ADGB: variants seen among roughly 807,000 people sequenced by gnomAD.
ADGB encodes the protein androglobin.
A neutral mutation model predicts 210.5 loss-of-function variants in ADGB; 172 were observed. The ratio of observed to expected loss-of-function variants is 0.82; its 90% CI spans 0.72 to 0.93. The LOEUF (loss-of-function observed/expected upper bound fraction) is 0.93. Among genes scored for constraint, ADGB ranks in the 40% least tolerant of loss-of-function variants. The pLI is 0.00. For synonymous variants in ADGB, 658 were observed against 662.7 expected (o/e 0.99, Z 0.11); for missense variants, 2,025 against 1,964.8 (o/e 1.03, Z -0.58).
rs1583582244 is a variant in ADGB, at chr6:146,669,023, G to C, written c.839+2121G>C. On this transcript the variant is annotated intron_variant, in intron 7 of 35. Transcript: ENST00000397944. ...GGTGTTTGAATAGGTCTTTTTCATA[G>C]TGCAGCATATTTTATGTGGTAGATG... 3.3e-5 allele frequency among the ~76,000 whole-genome samples: 5 copies of C among 151,994 alleles called. 1 individual carries two copies. The South Asian group carries it at 1.0e-3, about 32-fold the overall frequency.
intron 35 of ADGB, among the ~76,000 whole-genome samples, chr6:146,814,761 C>G (rs1172137629): frequency 6.6e-6 from 1 of 152,036 alleles, no homozygotes; most frequent in Non-Finnish European, 1.5e-5. Flanking sequence ...ATCATTTAAA[C>G]AGAATACCTT....
chr6:146,633,298 G>A lies in ADGB; in HGVS notation c.75-2077G>A, dbSNP rs78936737. ...ATTAGTTCTCTCCTCTTAATTCAAA[G>A]CATTTTACATTGTCTCCCTTCTTCC... On this transcript the variant is annotated intron_variant, in intron 1 of 35. Coordinates refer to ENST00000397944, the MANE Select transcript of ADGB (RefSeq NM_024694.4). Among the ~76,000 whole-genome samples the A allele has an allele frequency of 4.8e-3, 737 of 152,108 alleles. 12 individuals carry two copies. The East Asian group carries it at 0.062, about 13-fold the overall frequency.
chr6:146,808,626 A>G (rs1778249398), intron 35 of ADGB, among the ~76,000 whole-genome samples: 1 of 152,190 alleles, frequency 6.6e-6, no homozygotes, highest in Admixed American at 6.5e-5. Flanking sequence ...GTATTTTTTA[A>G]CCAGTGAAAG....
At chr6:146,803,813 C>G (rs575647610) in intron 35 of ADGB, 2 of 498,322 alleles carry the variant, frequency 4.0e-6, no homozygotes, top group East Asian at 6.6e-5. Flanking sequence ...GCTTCTGGGC[C>G]GAGTCCCACT....
At chr6:146,697,939 C>G (rs982849708) in intron 12 of ADGB, among the ~76,000 whole-genome samples, 7 of 152,164 alleles carry the variant, frequency 4.6e-5, no homozygotes, top group African/African-American at 1.7e-4. Context: ...ACAAATCTCA[C>G]ATACACTCAC....
chr6:146,624,940 T>C (rs186681329), intron 1 of ADGB, among the ~76,000 whole-genome samples: 96 of 152,156 alleles, frequency 6.3e-4, no homozygotes, highest in Admixed American at 1.0e-3. Flanking sequence ...ATGTACTTTG[T>C]GTGACTTGAA....
intron 5 of ADGB, among the ~76,000 whole-genome samples, chr6:146,657,524 T>C (rs923475284): frequency 1.3e-5 from 2 of 152,190 alleles, no homozygotes; most frequent in East Asian, 3.9e-4. Context: ...GTCAGTCCCA[T>C]GGGCACTTTA....
intron 27 of ADGB, among the ~76,000 whole-genome samples, chr6:146,758,245 T>C (rs1777437733): frequency 6.6e-6 from 1 of 152,120 alleles, no homozygotes; most frequent in Non-Finnish European, 1.5e-5. Flanking sequence ...TTTTTAACTC[T>C]TTAAAATGGC....
intron 23 of ADGB, among the ~76,000 whole-genome samples, chr6:146,737,192 A>C (rs574569622): frequency 6.6e-6 from 1 of 152,254 alleles, no homozygotes; most frequent in South Asian, 2.1e-4. Flanking sequence ...TGAGCAAGAA[A>C]ATAAATAATA....
chr6:146,780,698 CA>C (rs1777785740), intron 29 of ADGB, among the ~76,000 whole-genome samples: 1 of 151,968 alleles, frequency 6.6e-6, no homozygotes, highest in South Asian at 2.1e-4. Context: ...ATACATGAAG[CA>C]AAAACTGACA....
At chr6:146,748,617 C>G (rs992305041) in intron 26 of ADGB, among the ~76,000 whole-genome samples, 8 of 152,272 alleles carry the variant, frequency 5.3e-5, no homozygotes, top group African/African-American at 1.7e-4. Flanking sequence ...GAGACAATCT[C>G]ACTTTGTCGC....
chr6:146,800,431 G>T (rs482016), intron 33 of ADGB, among the ~76,000 whole-genome samples: 18,012 of 152,088 alleles, frequency 0.12, 1,365 homozygotes, highest in African/African-American at 0.21. Context: ...TTTAAAACTG[G>T]ATTTTGTTGA....
intron 23 of ADGB, among the ~76,000 whole-genome samples, chr6:146,736,941 T>C (rs1167127268): frequency 6.6e-6 from 1 of 152,010 alleles, no homozygotes; most frequent in Non-Finnish European, 1.5e-5. Flanking sequence ...GACAACACTT[T>C]CTAAACAGGG....
intron 13 of ADGB, among the ~76,000 whole-genome samples, chr6:146,705,296 C>G (rs932765812): frequency 1.1e-4 from 16 of 152,024 alleles, no homozygotes; most frequent in Admixed American, 6.5e-4. Context: ...CCTAATTGCT[C>G]TAGCTAGGAC....
intron 1 of ADGB, among the ~76,000 whole-genome samples, chr6:146,632,507 G>A (rs1414752830): frequency 6.6e-6 from 1 of 152,124 alleles, no homozygotes; most frequent in Admixed American, 6.6e-5. Context: ...GGACTAAGAT[G>A]TGTATGTATT....
intron 10 of ADGB, among the ~76,000 whole-genome samples, chr6:146,686,930 A>G (rs2114917714): frequency 6.6e-6 from 1 of 152,162 alleles, no homozygotes; most frequent in East Asian, 1.9e-4. Context: ...CAATTGAATG[A>G]TTATTATACT....
chr6:146,667,202 A>G (rs912652174), intron 7 of ADGB, among the ~76,000 whole-genome samples: 3 of 152,026 alleles, frequency 2.0e-5, no homozygotes, highest in Admixed American at 6.6e-5. Context: ...TCCATGGGAA[A>G]TCTACAACAA....
chr6:146,617,096 C>A (rs1780813614), intron 1 of ADGB, among the ~76,000 whole-genome samples: 2 of 151,472 alleles, frequency 1.3e-5, no homozygotes, highest in Admixed American at 1.3e-4. Flanking sequence ...TTTTTTTCAT[C>A]TTTTTGTGTC....
chr6:146,600,915 C>T (rs957484254), intron 1 of ADGB, among the ~76,000 whole-genome samples: 1 of 123,914 alleles, frequency 8.1e-6, no homozygotes, highest in African/African-American at 3.1e-5. Flanking sequence ...GAGTACACCC[C>T]TCCCCCATGC....
Sources: allele counts gnomAD v4.1 joint callset (sites outside exome capture counted in the v4.1 genomes callset), GRCh38; gene constraint gnomAD v4.1.1; transcripts MANE v1.5; gene names NCBI Gene and HGNC (gene_info 2026-07-23, HGNC 2026-07-21).